The following EPB41L1 variants were observed in gnomAD, a reference collection of about 807,000 sequenced individuals.
The protein encoded by EPB41L1 is band 4.1-like protein 1.
EPB41L1 carries 29 observed loss-of-function variants against 97.8 expected under a neutral mutation model. The ratio of observed to expected loss-of-function variants is 0.30; its 90% confidence interval spans 0.22 to 0.40. The LOEUF (loss-of-function observed/expected upper bound fraction) is 0.40, where lower values mean the gene tolerates loss of function less well. EPB41L1 is among the 10% of genes least tolerant of loss of function. EPB41L1 has a pLI of 1.00. For missense variants in EPB41L1, 812 were observed against 1,162.3 expected (o/e 0.70, Z 4.38); for synonymous variants, 383 against 459.2 (o/e 0.83, Z 2.12).
At chr20:36,100,591 G>A (rs1321534330) in intron 1 of EPB41L1, among the ~76,000 whole-genome samples, 4 of 152,160 alleles carry the variant, frequency 2.6e-5, no homozygotes, top group Admixed American at 6.5e-5. Flanking sequence ...GATGATCCCC[G>A]TCGTATTACA....
chr20:36,217,832 T>C (rs1350287492), intron 17 of EPB41L1, among the ~76,000 whole-genome samples: 2 of 152,096 alleles, frequency 1.3e-5, no homozygotes, highest in Non-Finnish European at 2.9e-5. Flanking sequence ...CGAGTTTCTT[T>C]TCTCACCTGT....
rs887878806 is a variant in EPB41L1, at chr20:36,231,102, G to A, written c.*1762G>A. On this transcript the variant is annotated 3_prime_UTR_variant, in exon 22 of 22. Transcript: ENST00000338074. ...AGGCTCCAGCTCTGCATAAGACCTT[G>A]GCTTGGAGACCTCCCTCTCAGTCAA... 2 of 152,178 alleles carry A rather than the reference G, an allele frequency of 1.3e-5. No individual in the cohort carries two copies. Among genetic ancestry groups the A allele is most frequent in the African/African-American group, 4.8e-5 (2 of 41,432 alleles). The allele number at this position is 152,178 out of a possible 1,614,324, so 9.4% of individuals were successfully genotyped here. A position where few individuals can be genotyped will look rare whatever the true frequency, so the allele number is the denominator to read the frequency against.
At chr20:36,191,182 C>T (rs2061933011) in intron 11 of EPB41L1, among the ~76,000 whole-genome samples, 1 of 152,092 alleles carries the variant, frequency 6.6e-6, no homozygotes, top group Non-Finnish European at 1.5e-5. Context: ...CCCCTGCATC[C>T]CTCTGCTGCA....
chr20:36,125,595 G>A (rs754342744), intron 2 of EPB41L1: 2 of 1,519,770 alleles, frequency 1.3e-6, no homozygotes, highest in African/African-American at 1.4e-5. Flanking sequence ...AGTGCACAGA[G>A]GCATGAAACA....
chr20:36,214,529 C>A, intron 17 of EPB41L1, 89 bp downstream of exon 17: 1 of 1,126,728 alleles, frequency 8.9e-7, no homozygotes, highest in Non-Finnish European at 1.3e-6. Context: ...CTGGCTGCTT[C>A]AGGAAGTTGT....
rs1403533703 is a variant in EPB41L1 at position 36,195,387 on chromosome 20, C to T, written c.1485+23C>T. Reference sequence around the variant, plus strand: ...GAGGTACTGCATGGGACCTGTCCCTCCCTACCCAGCCGTTCCCATCCCTAG... The same window carrying T: ...GAGGTACTGCATGGGACCTGTCCCTTCCTACCCAGCCGTTCCCATCCCTAG... On this transcript the variant is annotated intron_variant, in intron 13 of 21. Transcript: ENST00000338074. This position sits in a 1 kb window ranked among gnomAD's most constrained non-coding sequence, Gnocchi z 4.6. 7.4e-6 allele frequency: 12 copies of T among 1,613,726 alleles called. No individual in the cohort carries two copies. The highest frequency in any genetic ancestry group is 1.7e-5 in the Admixed American group (1 of 59,994).
intron 5 of EPB41L1, among the ~76,000 whole-genome samples, chr20:36,180,834 G>T (rs1569227325): frequency 6.6e-6 from 1 of 152,094 alleles, no homozygotes; most frequent in Non-Finnish European, 1.5e-5. Flanking sequence ...TGAGACCATT[G>T]TTATTCATTG....
chr20:36,142,461 C>T lies in EPB41L1; in HGVS notation c.-10+29981C>T, dbSNP rs574030475. Among the ~76,000 whole-genome samples the T allele has an allele frequency of 3.9e-5, 6 of 152,310 alleles. No homozygotes were observed. In the South Asian group the frequency reaches 1.0e-3, roughly 26 times the overall value. On this transcript the variant is annotated intron_variant, in intron 2 of 19. Transcript: ENST00000202028. ...CTAAAAAAGGAATTTCTGCGTTAAA[C>T]GGTATGCACACTTTTAAGGCTTATC...
rs114062062 is a variant in EPB41L1, at chr20:36,195,137, C to G, written c.1450-192C>G. On this transcript the variant is annotated intron_variant, in intron 12 of 21. Transcript: ENST00000338074. This position sits in a 1 kb window ranked among gnomAD's most constrained non-coding sequence, Gnocchi z 4.6. ...CCTTCTCTGCCTTCCTGGGACAGCA[C>G]CCTGCTTCACACCTGTACCTTCTTC... Among the ~76,000 whole-genome samples, 2,131 of 152,292 alleles carry G rather than the reference C, an allele frequency of 0.014. 56 individuals carry two copies. Among genetic ancestry groups the G allele is most frequent in the African/African-American group, 0.049 (2,039 of 41,558 alleles).
intron 1 of EPB41L1, among the ~76,000 whole-genome samples, chr20:36,106,822 C>A (rs565301052): frequency 6.6e-6 from 1 of 152,288 alleles, no homozygotes; most frequent in South Asian, 2.1e-4. Context: ...CTAGTGCCAC[C>A]AAGGAACTGA....
At position 36,198,046 on chromosome 20, in the gene EPB41L1, G is replaced by A. The variant is rs2062300184; in HGVS notation, c.1668+5G>A. On this transcript the variant is annotated splice_donor_5th_base_variant and intron_variant, in intron 14 of 21. Transcript: ENST00000338074. ...ACCCCTGAGAAAGCCAATGAGGTAGGTGTCGCCCTGAACCCCTCGATAGGG... is the reference window on the plus strand; with the variant it reads ...ACCCCTGAGAAAGCCAATGAGGTAGATGTCGCCCTGAACCCCTCGATAGGG... The A allele has an allele frequency of 1.2e-6, 2 of 1,612,958 alleles. No homozygotes were observed. The highest frequency in any genetic ancestry group is 1.7e-6 in the Non-Finnish European group (2 of 1,179,840).
intron 1 of EPB41L1, among the ~76,000 whole-genome samples, chr20:36,097,632 T>G (rs1235650409): frequency 6.6e-6 from 1 of 152,134 alleles, no homozygotes; most frequent in African/African-American, 2.4e-5. Flanking sequence ...GCAAGGACAA[T>G]GTACAAGCTG....
intron 1 of EPB41L1, chr20:36,091,854 A>T (rs1459768045): frequency 1.3e-5 from 2 of 152,228 alleles, no homozygotes; most frequent in African/African-American, 4.8e-5. Flanking sequence ...TTCAGATGCT[A>T]TCTTGGGCTC....
At chr20:36,224,149 G>A (rs2063959249) in intron 21 of EPB41L1, among the ~76,000 whole-genome samples, 1 of 152,212 alleles carries the variant, frequency 6.6e-6, no homozygotes, top group Non-Finnish European at 1.5e-5. Flanking sequence ...TTTCTGTGCT[G>A]TCTGGGATGG....
rs375963967 is a variant in EPB41L1 at position 36,123,467 on chromosome 20, A to G, written c.-10+10987A>G. On this transcript the variant is annotated intron_variant, in intron 2 of 19. Transcript: ENST00000202028. ...TTTGTTTGTTTGTTTTTGAGACAGA[A>G]TCTCGCTCTGTTGCCTAGGCTAGAG... Among the ~76,000 whole-genome samples the G allele has an allele frequency of 7.9e-5, 12 of 152,240 alleles. No individual in the cohort carries two copies. The East Asian group carries it at 1.5e-3, about 20-fold the overall frequency.
In EPB41L1 at chr20:36,157,997, T is replaced by G. The variant is rs6060830; in HGVS notation, c.-15+3101T>G. Among the ~76,000 whole-genome samples, 473 of 152,298 alleles carry G rather than the reference T, an allele frequency of 3.1e-3. 7 individuals are homozygous for G. Among genetic ancestry groups the G allele is most frequent in the African/African-American group, 0.011 (446 of 41,562 alleles). On this transcript the variant is annotated intron_variant, in intron 1 of 21. Coordinates refer to ENST00000338074, the MANE Select transcript of EPB41L1 (RefSeq NM_012156.2). Reference sequence around the variant, plus strand: ...AGCATTTATTATGTGCCAGGCCCAGTTTTAAGGGCTTCCATGTACAACTCA... The same window carrying G: ...AGCATTTATTATGTGCCAGGCCCAGGTTTAAGGGCTTCCATGTACAACTCA...
chr20:36,219,146 G>A (rs762025287), intron 18 of EPB41L1, among the ~76,000 whole-genome samples, 184 bp downstream of exon 18: 3 of 152,344 alleles, frequency 2.0e-5, no homozygotes, highest in African/African-American at 7.2e-5. Flanking sequence ...AATCTCATGA[G>A]TGGCCCTCCC....
intron 3 of EPB41L1, 93 bp from the exon 4 acceptor site, chr20:36,177,859 G>A (rs2061315501): frequency 9.8e-7 from 1 of 1,025,134 alleles, no homozygotes; most frequent in Non-Finnish European, 1.5e-6. Context: ...AGGCCCTTGG[G>A]GTTTTTGAAT....
At chr20:36,094,630 A>G (rs947147858) in intron 1 of EPB41L1, among the ~76,000 whole-genome samples, 11 of 152,156 alleles carry the variant, frequency 7.2e-5, no homozygotes, top group African/African-American at 2.7e-4. Flanking sequence ...TGTAAAAGGA[A>G]GGAAGGTGGA....
Sources: gnomAD v4.1 joint callset for allele counts (sites outside exome capture counted in the v4.1 genomes callset) on GRCh38, gnomAD v4.1.1 for gene constraint, Gnocchi (gnomAD v3.1) non-coding constraint, MANE v1.5 for transcripts, NCBI Gene and HGNC (gene_info 2026-07-23, HGNC 2026-07-21) for gene names.